Variants in SLC30A7 observed in about 807,000 individuals in gnomAD.
SLC30A7 encodes the protein zinc transporter 7.
A neutral mutation model predicts 46.0 loss-of-function variants in SLC30A7; 35 were observed. That is an observed-to-expected ratio of 0.76 (90% CI 0.58 to 1.01). The LOEUF (loss-of-function observed/expected upper bound fraction) is 1.01. Among genes scored for constraint, SLC30A7 ranks in the 50% least tolerant of loss-of-function variants. The pLI is 0.00. For synonymous variants in SLC30A7, 147 were observed against 157.8 expected, an observed-to-expected ratio of 0.93 and a Z score of 0.51; for missense variants, 464 against 451.1, an observed-to-expected ratio of 1.03 and a Z score of -0.26.
the SLC30A7 span, among the ~76,000 whole-genome samples, chr1:100,988,909 TATAA>T: frequency 6.6e-6 from 1 of 151,944 alleles, no homozygotes; most frequent in African/African-American, 2.4e-5. Context: ...TTCATATATA[TATAA>T]ATATTTCTTA....
At chr1:100,968,897 T>A (rs1570595689) in intron 10 of SLC30A7, among the ~76,000 whole-genome samples, 1 of 152,248 alleles carries the variant, frequency 6.6e-6, no homozygotes, top group South Asian at 2.1e-4. Flanking sequence ...GCCATCTTTA[T>A]ATATGCTAAG....
At chr1:100,947,270 T>C (rs1654692014) in intron 8 of SLC30A7, among the ~76,000 whole-genome samples, 1 of 152,202 alleles carries the variant, frequency 6.6e-6, no homozygotes, top group South Asian at 2.1e-4. Context: ...TTGTTTTCAT[T>C]GGTTTCTAAG....
rs116329069 is a variant in SLC30A7 at position 100,951,563 on chromosome 1, C to T, written c.843-10265C>T. Among the ~76,000 whole-genome samples, 831 of 152,302 alleles carry T rather than the reference C, an allele frequency of 5.5e-3. 6 individuals are homozygous for T. The highest frequency in any genetic ancestry group is 0.019 in the African/African-American group (786 of 41,554). Reference sequence around the variant, plus strand: ...TGCTCCAAGGTGCACCTCTTTTCTTCAGTTAGCACTGTCTCCCTACTGCCC... The same window carrying T: ...TGCTCCAAGGTGCACCTCTTTTCTTTAGTTAGCACTGTCTCCCTACTGCCC... On this transcript the variant is annotated intron_variant, in intron 8 of 10. Transcript: ENST00000357650.
At chr1:100,944,170 TCC>T (rs1654496732) in intron 8 of SLC30A7, among the ~76,000 whole-genome samples, 1 of 152,196 alleles carries the variant, frequency 6.6e-6, no homozygotes. Context: ...TACTTCAGCC[TCC>T]CAAGTAGCTA....
intron 2 of SLC30A7, among the ~76,000 whole-genome samples, chr1:100,904,142 G>A (rs1039911993): frequency 6.6e-6 from 1 of 152,106 alleles, no homozygotes; most frequent in Non-Finnish European, 1.5e-5. Context: ...TAACTTACTG[G>A]TCACGGAACT....
intron 8 of SLC30A7, among the ~76,000 whole-genome samples, chr1:100,958,920 C>T (rs1655389699): frequency 6.6e-6 from 1 of 152,072 alleles, no homozygotes; most frequent in African/African-American, 2.4e-5. Context: ...GAAGACACTT[C>T]ATACAGTGTA....
intron 8 of SLC30A7, among the ~76,000 whole-genome samples, chr1:100,958,198 A>T (rs1369311589): frequency 1.3e-5 from 2 of 150,942 alleles, no homozygotes; most frequent in Non-Finnish European, 1.5e-5. Flanking sequence ...TTTTTTTGAG[A>T]TGGAGTCTCG....
chr1:100,943,295 A>G (rs1211183661), intron 8 of SLC30A7, among the ~76,000 whole-genome samples: 1 of 152,224 alleles, frequency 6.6e-6, no homozygotes, highest in Non-Finnish European at 1.5e-5. Context: ...GAACTCAGGG[A>G]AGCATGTTTA....
At chr1:100,900,344 A>G (rs1171926716) in intron 2 of SLC30A7, among the ~76,000 whole-genome samples, 1 of 152,248 alleles carries the variant, frequency 6.6e-6, no homozygotes, top group African/African-American at 2.4e-5. Context: ...TTTGTTGAAG[A>G]AATGTTTAAG....
At chr1:100,965,968 CTAG>C in intron 10 of SLC30A7, 50 bp downstream of exon 10, 1 of 1,500,956 alleles carries the variant, frequency 6.7e-7, no homozygotes, top group Non-Finnish European at 9.0e-7. Context: ...TTTTTTATAA[CTAG>C]TAGTTTTAAA....
intron 2 of SLC30A7, among the ~76,000 whole-genome samples, chr1:100,906,568 G>A (rs1651683818): frequency 6.6e-6 from 1 of 151,882 alleles, no homozygotes; most frequent in Admixed American, 6.6e-5. Context: ...GCTGACCTTT[G>A]CAAGTGACCA....
chr1:100,901,070 T>C (rs185140335), intron 2 of SLC30A7, among the ~76,000 whole-genome samples: 315 of 152,294 alleles, frequency 2.1e-3, no homozygotes, highest in African/African-American at 7.3e-3. Flanking sequence ...ATTTCTTCCA[T>C]AACTATTTCA....
At chr1:100,940,964 C>A in intron 8 of SLC30A7, 1 of 389,522 alleles carries the variant, frequency 2.6e-6, no homozygotes, top group African/African-American at 2.1e-5. Context: ...TGTAGTTTCC[C>A]TGTCACTTCT....
chr1:100,915,240 T>TC (rs1652450755), intron 6 of SLC30A7, among the ~76,000 whole-genome samples: 1 of 146,476 alleles, frequency 6.8e-6, no homozygotes, highest in African/African-American at 2.6e-5. Context: ...TTTCTTTCTT[T>TC]CTTTCTTTCT....
chr1:100,943,281 C>G (rs1288626146), intron 8 of SLC30A7, among the ~76,000 whole-genome samples: 1 of 152,126 alleles, frequency 6.6e-6, no homozygotes, highest in Non-Finnish European at 1.5e-5. Flanking sequence ...TAAAGCAGCT[C>G]ACAGAACTCA....
chr1:100,941,309 T>C (rs1191795634), intron 8 of SLC30A7: 1 of 379,636 alleles, frequency 2.6e-6, no homozygotes, highest in Admixed American at 3.4e-5. Context: ...ACCACTAAAG[T>C]TTCCACCACA....
the SLC30A7 span, among the ~76,000 whole-genome samples, chr1:100,987,159 T>C: frequency 1.3e-5 from 2 of 152,214 alleles, no homozygotes; most frequent in Non-Finnish European, 2.9e-5. Context: ...TTGGTAGCTT[T>C]TTTCTTTTAT....
chr1:100,994,543 T>C, the SLC30A7 span, among the ~76,000 whole-genome samples: 4 of 151,750 alleles, frequency 2.6e-5, no homozygotes, highest in Non-Finnish European at 5.9e-5. Flanking sequence ...CCCATGCCTT[T>C]TTTTTTTTTT....
At chr1:100,921,949 GCTT>G in intron 8 of SLC30A7, 108 bp downstream of exon 8, 2 of 663,024 alleles carry the variant, frequency 3.0e-6, no homozygotes, top group South Asian at 2.8e-5. Flanking sequence ...TCCTTTGCTT[GCTT>G]TTTTTTTTTT....
Sources: allele counts gnomAD v4.1 joint callset (sites outside exome capture counted in the v4.1 genomes callset), GRCh38; gene constraint gnomAD v4.1.1; transcripts MANE v1.5; gene names NCBI Gene and HGNC (gene_info 2026-07-23, HGNC 2026-07-21).